The following CAST variants were observed in gnomAD, a reference collection of about 807,000 sequenced individuals.
The protein encoded by CAST is calpastatin.
A neutral mutation model predicts 119.6 loss-of-function variants in CAST; 76 were observed. The ratio of observed to expected loss-of-function variants is 0.64; its 90% CI spans 0.53 to 0.77. The LOEUF is 0.77. Ranked by LOEUF, CAST falls within the 30% of genes least tolerant of loss-of-function variation. The probability of loss-of-function intolerance (pLI) is 0.00; values close to 1 mark genes in which losing one functional copy is unlikely to be tolerated. For missense variants in CAST, 953 were observed against 946.5 expected (o/e 1.01, Z -0.09); for synonymous variants, 319 against 331.6 (o/e 0.96, Z 0.41).
At chr5:96,764,457 T>A (rs776745661) in intron 25 of CAST, among the ~76,000 whole-genome samples, 32 of 152,198 alleles carry the variant, frequency 2.1e-4, no homozygotes, top group Non-Finnish European at 3.8e-4. Context: ...CCAGCTCCCA[T>A]TTCTGCAATT....
the CAST span, among the ~76,000 whole-genome samples, chr5:96,349,419 C>CT: frequency 2.0e-5 from 3 of 151,982 alleles, no homozygotes; most frequent in Non-Finnish European, 4.4e-5. Context: ...AAAAGATCTA[C>CT]TTTTAGCCTT....
chr5:96,088,306 G>A, the CAST span, among the ~76,000 whole-genome samples: 6 of 152,122 alleles, frequency 3.9e-5, no homozygotes, highest in Non-Finnish European at 5.9e-5. Flanking sequence ...GTTAACCCTC[G>A]ATGCCCATCT....
chr5:96,272,525 C>T, the CAST span, among the ~76,000 whole-genome samples: 1 of 152,034 alleles, frequency 6.6e-6, no homozygotes, highest in Non-Finnish European at 1.5e-5. Context: ...TGCATGTTCT[C>T]ATTCATATGT....
intron 8 of CAST, 118 bp from the exon 9 acceptor site, chr5:96,730,662 C>G: frequency 1.4e-6 from 1 of 737,056 alleles, no homozygotes. Context: ...GCAAACATTC[C>G]CTTATGGTGT....
intron 1 of CAST, among the ~76,000 whole-genome samples, chr5:96,592,770 T>C (rs1746986735): frequency 6.6e-6 from 1 of 151,514 alleles, no homozygotes; most frequent in Non-Finnish European, 1.5e-5. Context: ...TTTTCTTTTT[T>C]TTTTTCTTTT....
chr5:96,506,252 A>G, the CAST span, among the ~76,000 whole-genome samples: 2 of 152,248 alleles, frequency 1.3e-5, no homozygotes, highest in Admixed American at 1.3e-4. Flanking sequence ...ACTTAGCAGA[A>G]TTCCTGAAGA....
chr5:96,036,496 C>A, the CAST span, among the ~76,000 whole-genome samples: 1 of 152,098 alleles, frequency 6.6e-6, no homozygotes, highest in Non-Finnish European at 1.5e-5. Flanking sequence ...CTCCTGAGGT[C>A]CAATCTACAT....
chr5:95,978,320 G>T, the CAST span, among the ~76,000 whole-genome samples: 1 of 152,092 alleles, frequency 6.6e-6, no homozygotes, highest in Non-Finnish European at 1.5e-5. Flanking sequence ...GTTATGTTTT[G>T]ACTTTTTAAT....
At chr5:96,559,434 G>A (rs542891426) in intron 1 of CAST, among the ~76,000 whole-genome samples, 93 of 152,302 alleles carry the variant, frequency 6.1e-4, no homozygotes, top group African/African-American at 2.2e-3. Context: ...GTTTGCAGAT[G>A]ACATGATTGT....
the CAST span, among the ~76,000 whole-genome samples, chr5:96,070,899 C>T: frequency 6.6e-6 from 1 of 152,112 alleles, no homozygotes. Flanking sequence ...CTAAGGAGAA[C>T]AAGTTGGGGA....
At chr5:96,403,930 T>C in the CAST span, among the ~76,000 whole-genome samples, 2 of 152,210 alleles carry the variant, frequency 1.3e-5, no homozygotes, top group African/African-American at 4.8e-5. Context: ...TATCTGTTTG[T>C]TTAATATTTC....
chr5:96,143,141 A>T, the CAST span, among the ~76,000 whole-genome samples: 3 of 152,230 alleles, frequency 2.0e-5, no homozygotes, highest in Non-Finnish European at 4.4e-5. Context: ...CAATTCAATG[A>T]CCATAATAAG....
At chr5:96,768,123 G>A in intron 29 of CAST, 124 bp downstream of exon 29, 2 of 723,748 alleles carry the variant, frequency 2.8e-6, no homozygotes, top group Non-Finnish European at 4.9e-6. Flanking sequence ...TTACTCTATA[G>A]CCCAGGCTGG....
the CAST span, among the ~76,000 whole-genome samples, chr5:96,166,602 T>A: frequency 1.3e-5 from 2 of 152,190 alleles, no homozygotes; most frequent in Non-Finnish European, 2.9e-5. Flanking sequence ...TATTTAATGA[T>A]TGAATTTATA....
chr5:96,054,373 C>G, the CAST span, among the ~76,000 whole-genome samples: 2 of 152,058 alleles, frequency 1.3e-5, no homozygotes, highest in Admixed American at 1.3e-4. Context: ...TAGCCTCAGC[C>G]TCAGCTTGTA....
At chr5:96,567,524 A>G (rs1402307676) in intron 1 of CAST, among the ~76,000 whole-genome samples, 2 of 152,158 alleles carry the variant, frequency 1.3e-5, no homozygotes, top group Non-Finnish European at 2.9e-5. Context: ...GAGAAAGTGC[A>G]AATGCCACTT....
the CAST span, chr5:96,392,678 T>C: frequency 4.0e-6 from 1 of 251,914 alleles, no homozygotes; most frequent in Non-Finnish European, 7.5e-6. Context: ...GCCTTTTCTT[T>C]TGAGAATTGA....
At chr5:96,732,977 T>C (rs1390073407) in intron 9 of CAST, among the ~76,000 whole-genome samples, 1 of 152,182 alleles carries the variant, frequency 6.6e-6, no homozygotes, top group Non-Finnish European at 1.5e-5. Context: ...GATATCCTGC[T>C]ACAGCTAAAT....
the CAST span, among the ~76,000 whole-genome samples, chr5:96,061,193 T>A: frequency 6.6e-6 from 1 of 152,122 alleles, no homozygotes; most frequent in African/African-American, 2.4e-5. Flanking sequence ...AGAATCACAA[T>A]GCAGACTCCT....
Sources: allele counts gnomAD v4.1 joint callset (sites outside exome capture counted in the v4.1 genomes callset), GRCh38; gene constraint gnomAD v4.1.1; transcripts MANE v1.5; gene names NCBI Gene and HGNC (gene_info 2026-07-23, HGNC 2026-07-21).